The following GCNT3 variants were observed in gnomAD, a reference collection of about 807,000 sequenced individuals.
The protein encoded by GCNT3 is glucosaminyl (N-acetyl) transferase 3, mucin type, also known as beta-1,3-galactosyl-O-glycosyl-glycoprotein beta-1,6-N-acetylglucosaminyltransferase 3.
For missense variants in GCNT3, 708 were observed against 530.3 expected (o/e 1.34, Z -3.29); for synonymous variants, 269 against 195.2 (o/e 1.38, Z -3.15).
rs2082737446 is a variant in GCNT3 at position 59,619,519 on chromosome 15, C to A, written c.1281C>A (p.Tyr427Ter). 1.9e-6 allele frequency: 3 copies of A among 1,608,514 alleles called. No individual in the cohort carries two copies. Among genetic ancestry groups the A allele is most frequent in the Non-Finnish European group, 1.7e-6 (2 of 1,175,836 alleles). The change falls in exon 3 of 3, where the codon TAC (tyrosine) becomes TAA (stop). Residue 427 changes from tyrosine to a stop codon, truncating the protein, a stop_gained. Transcript: ENST00000396065. LOFTEE classifies it high-confidence loss of function. ...ATGCTCTTCAGTGCTTAGAAGAATA[C>A]CTACGTTATAAGGCCATCTATGGGA... The part of the protein sequence containing the change: ...DDNALQCLEE[Y>*]LRYKAIYGTE...
intron 1 of GCNT3, among the ~76,000 whole-genome samples, chr15:59,615,668 A>G (rs1230718329): frequency 6.6e-6 from 1 of 151,696 alleles, no homozygotes; most frequent in East Asian, 1.9e-4. Context: ...GGATCACTTG[A>G]GCCCAGGAAT....
chr15:59,621,151 C>T lies in GCNT3; in HGVS notation c.*1596C>T, dbSNP rs1301680333. On this transcript the variant is annotated 3_prime_UTR_variant, in exon 3 of 3. Coordinates refer to ENST00000396065, the MANE Select transcript of GCNT3 (RefSeq NM_004751.3). ...CCACCTGCCCCAGCCTCCCAAAGTG[C>T]TGGGATTACAGGTGTGAGCCACCAT... is the stretch of plus-strand genomic sequence containing the variant. 3.9e-5 allele frequency: 6 copies of T among 152,140 alleles called. No homozygotes were observed. The highest frequency in any genetic ancestry group is 7.4e-5 in the Non-Finnish European group (5 of 67,998). The allele number at this position is 152,140 out of a possible 1,614,324, so 9.4% of individuals were successfully genotyped here.
chr15:59,619,687 A>G lies in GCNT3; in HGVS notation c.*132A>G. ...CATCCTTTAGGATAAGAGGGCTGCT[A>G]TTAGAGTGTGGGTAAGTAGATCTTT... On this transcript the variant is annotated 3_prime_UTR_variant, in exon 3 of 3. Transcript: ENST00000396065. The G allele has an allele frequency of 1.4e-6, 1 of 693,320 alleles. No homozygotes were observed. The highest frequency in any genetic ancestry group is 1.8e-5 in the South Asian group (1 of 55,940). 42.9% of individuals were successfully genotyped at this position (693,320 alleles called of 1,614,324 possible).
chr15:59,615,624 T>C (rs1203050758), intron 1 of GCNT3, among the ~76,000 whole-genome samples: 1 of 152,014 alleles, frequency 6.6e-6, no homozygotes, highest in Non-Finnish European at 1.5e-5. Context: ...GGCTCACTCC[T>C]GTAATCCCAG....
In GCNT3 at chr15:59,619,094, C is replaced by T; in HGVS notation, c.856C>T (p.Pro286Ser). ...CCTAACCAACAAGAAGAAGGATCCT[C>T]CCCCTTATAATTTAACTATGTTTAC... ...LHLTNKKKDP[P>S]PYNLTMFTGN... Residue 286 changes from proline to serine, a missense_variant, in exon 3 of 3, where the codon CCC (proline) becomes TCC (serine). Coordinates refer to ENST00000396065, the MANE Select transcript of GCNT3 (RefSeq NM_004751.3). The T allele has an allele frequency of 6.2e-6, 10 of 1,614,022 alleles. No individual in the cohort carries two copies. Among genetic ancestry groups the T allele is most frequent in the Non-Finnish European group, 7.6e-6 (9 of 1,179,924 alleles).
chr15:59,616,123 A>AGG (rs751906110), intron 1 of GCNT3, among the ~76,000 whole-genome samples: 7 of 152,188 alleles, frequency 4.6e-5, no homozygotes, highest in Non-Finnish European at 8.8e-5. Context: ...GACATTAGTG[A>AGG]GGGAGCTCTA....
At chr15:59,613,273 C>G (rs987819094) in intron 1 of GCNT3, among the ~76,000 whole-genome samples, 4 of 151,944 alleles carry the variant, frequency 2.6e-5, no homozygotes, top group African/African-American at 9.7e-5. Flanking sequence ...TGGGCTGAGT[C>G]CCACGCTGGG....
chr15:59,619,161 A>T lies in GCNT3; in HGVS notation c.923A>T (p.His308Leu). The part of the protein sequence containing the change: ...YIVASRDFVQ[H>L]VLKNPKSQQL... ...GTGGCTTCCCGAGATTTCGTCCAACATGTTTTGAAGAACCCTAAATCCCAA... is the reference window on the plus strand; with the variant it reads ...GTGGCTTCCCGAGATTTCGTCCAACTTGTTTTGAAGAACCCTAAATCCCAA... The change falls in exon 3 of 3, where the codon CAT becomes CTT. Residue 308 changes from histidine to leucine, a missense_variant. Transcript: ENST00000396065. 6.2e-7 allele frequency: 1 copy of T among 1,614,168 alleles called. No homozygotes were observed. The highest frequency in any genetic ancestry group is 1.1e-5 in the South Asian group (1 of 91,084).
rs1890951320 is a variant in GCNT3, at chr15:59,622,310, CTCAAA to C, written c.*2756_*2760del. The C allele has an allele frequency of 1.9e-4, 2 of 10,656 alleles. No homozygotes were observed. Among genetic ancestry groups the C allele is most frequent in the African/African-American group, 3.0e-4 (2 of 6,750 alleles). 0.7% of individuals were successfully genotyped at this position (10,656 alleles called of 1,614,324 possible). A position where few individuals can be genotyped will look rare whatever the true frequency, so the allele number is the denominator to read the frequency against. On this transcript the variant is annotated 3_prime_UTR_variant, in exon 3 of 3. Transcript: ENST00000396065. ...CCTGGGCGATAGAGCCAGACTGAGT[CTCAAA>C]AAAAAAAAAAAAGTTACCTTTTTTT...
intron 1 of GCNT3, among the ~76,000 whole-genome samples, chr15:59,613,504 C>A (rs1422072311): frequency 1.3e-5 from 2 of 148,986 alleles, no homozygotes; most frequent in African/African-American, 2.5e-5. Flanking sequence ...AGTTCAAGAC[C>A]AGCCAGGGGA....
chr15:59,615,721 T>TCA (rs1297441727), intron 1 of GCNT3, among the ~76,000 whole-genome samples: 1 of 149,094 alleles, frequency 6.7e-6, no homozygotes, highest in African/African-American at 2.5e-5. Context: ...CATCTCTACT[T>TCA]TAAAAAAAAA....
rs200730703 is a variant in GCNT3, at chr15:59,618,523, A to T, written c.285A>T (p.Arg95=). The change falls in exon 3 of 3, where the codon CGA becomes CGT. Residue 95 remains arginine, a synonymous_variant. Coordinates refer to ENST00000396065, the MANE Select transcript of GCNT3 (RefSeq NM_004751.3). ...ATAACCTGGAGGTCAAGAAGAAGCGAGAGCCTTTCACAGACACCCACTACC... is the reference window on the plus strand; with the variant it reads ...ATAACCTGGAGGTCAAGAAGAAGCGTGAGCCTTTCACAGACACCCACTACC... The part of the protein sequence containing the change: ...ILNNLEVKKK[R]EPFTDTHYLS... 100 of 1,614,190 alleles carry T rather than the reference A, an allele frequency of 6.2e-5. No individual in the cohort carries two copies. The highest frequency in any genetic ancestry group is 8.1e-5 in the Non-Finnish European group (95 of 1,180,040).
At position 59,619,143 on chromosome 15, in the gene GCNT3, C is replaced by A. The variant is rs781671087; in HGVS notation, c.905C>A (p.Ser302Tyr). 6.2e-7 allele frequency: 1 copy of A among 1,613,974 alleles called. No homozygotes were observed. The highest frequency in any genetic ancestry group is 8.5e-7 in the Non-Finnish European group (1 of 1,180,014). The change falls in exon 3 of 3, where the codon TCC (serine) becomes TAC (tyrosine). Residue 302 changes from serine (S) to tyrosine (Y), a missense_variant. By Grantham distance (144) the Ser-to-Tyr change is moderately radical. Coordinates refer to ENST00000396065, the MANE Select transcript of GCNT3 (RefSeq NM_004751.3). ...MFTGNAYIVA[S>Y]RDFVQHVLKN... is the part of the protein sequence containing the mutation. ...ACAGGGAATGCGTACATTGTGGCTT[C>A]CCGAGATTTCGTCCAACATGTTTTG...
intron 1 of GCNT3, among the ~76,000 whole-genome samples, chr15:59,614,840 G>T (rs2082712368): frequency 6.6e-6 from 1 of 152,216 alleles, no homozygotes; most frequent in African/African-American, 2.4e-5. Flanking sequence ...AGATGGAGTT[G>T]CTCTGGTTCA....
chr15:59,619,612 GA>G lies in GCNT3; in HGVS notation c.*59del. 8.8e-7 allele frequency: 1 copy of G among 1,136,178 alleles called. No homozygotes were observed. The highest frequency in any genetic ancestry group is 1.3e-6 in the Non-Finnish European group (1 of 773,188). The allele number at this position is 1,136,178 out of a possible 1,614,324, so 70.4% of individuals were successfully genotyped here. On this transcript the variant is annotated 3_prime_UTR_variant, in exon 3 of 3. Coordinates refer to ENST00000396065, the MANE Select transcript of GCNT3 (RefSeq NM_004751.3). ...GCAAGAGCATGTACAAACATGCTCAGAACTTGCTGGGACAGTGTGGGTGGGA... is the reference window on the plus strand; with the variant it reads ...GCAAGAGCATGTACAAACATGCTCAGACTTGCTGGGACAGTGTGGGTGGGA...
rs1055483480 is a variant in GCNT3 at position 59,618,734 on chromosome 15, G to A, written c.496G>A (p.Glu166Lys). 2 of 1,614,078 alleles carry A rather than the reference G, an allele frequency of 1.2e-6. No individual in the cohort carries two copies. Among genetic ancestry groups the A allele is most frequent in the Admixed American group, 1.7e-5 (1 of 60,006 alleles). Reference sequence around the variant, plus strand: ...GAACATATACTGTGTCCATGTGGATGAGAAGTCCCCAGAAACTTTCAAAGA... The same window carrying A: ...GAACATATACTGTGTCCATGTGGATAAGAAGTCCCCAGAAACTTTCAAAGA... ...PQNIYCVHVD[E>K]KSPETFKEAV... is the part of the protein sequence containing the mutation. Residue 166 changes from glutamate (E) to lysine (K), a missense_variant, in exon 3 of 3, where the codon GAG (glutamate) becomes AAG (lysine). Coordinates refer to ENST00000396065, the MANE Select transcript of GCNT3 (RefSeq NM_004751.3).
Position 59,618,894 on chromosome 15 carries a change from C to T in GCNT3, c.656C>T (p.Pro219Leu), listed in dbSNP as rs771411777. 1.9e-5 allele frequency: 31 copies of T among 1,614,136 alleles called. No homozygotes were observed. The highest frequency in any genetic ancestry group is 4.4e-5 in the South Asian group (4 of 91,072). The change falls in exon 3 of 3, where the codon CCG becomes CTG. Residue 219 changes from proline to leucine, a missense_variant. By Grantham distance (98) the Pro-to-Leu change is moderately conservative (BLOSUM62 -3). Transcript: ENST00000396065. ...GAAGACTTGCTCCAGAGCTCAGTGC[C>T]GTGGAAATACTTCCTGAATACATGT... is the stretch of plus-strand genomic sequence containing the variant. ...CMEDLLQSSV[P>L]WKYFLNTCGT...
chr15:59,619,426 G>A lies in GCNT3; in HGVS notation c.1188G>A (p.Gly396=). ...HQRAICVYGA[G]DLNWMLQNHH... ...GGGCTATCTGCGTTTATGGGGCTGGGGACTTGAATTGGATGCTTCAAAACC... is the reference window on the plus strand; with the variant it reads ...GGGCTATCTGCGTTTATGGGGCTGGAGACTTGAATTGGATGCTTCAAAACC... The change falls in exon 3 of 3, where the codon GGG becomes GGA. Residue 396 remains glycine (G), a synonymous_variant. Coordinates refer to ENST00000396065, the MANE Select transcript of GCNT3 (RefSeq NM_004751.3). 6.2e-7 allele frequency: 1 copy of A among 1,614,066 alleles called. No individual in the cohort carries two copies. Among genetic ancestry groups the A allele is most frequent in the Non-Finnish European group, 8.5e-7 (1 of 1,179,984 alleles).
Position 59,618,325 on chromosome 15 carries a change from T to C in GCNT3, c.87T>C (p.Leu29=). The C allele has an allele frequency of 6.2e-7, 1 of 1,613,688 alleles. No individual in the cohort carries two copies. The highest frequency in any genetic ancestry group is 1.3e-5 in the African/African-American group (1 of 74,930). The part of the protein sequence containing the change: ...YMLLATVALK[L]SFRLKCDSDH... ...TGCTGGCCACTGTGGCTCTGAAACT[T>C]TCTTTCAGGTTGAAGTGTGACTCTG... Residue 29 remains leucine, a synonymous_variant, in exon 3 of 3, where the codon CTT becomes CTC. Transcript: ENST00000396065.
Sources: allele counts gnomAD v4.1 joint callset (sites outside exome capture counted in the v4.1 genomes callset), GRCh38; gene constraint gnomAD v4.1.1; transcripts MANE v1.5; gene names NCBI Gene and HGNC (gene_info 2026-07-23, HGNC 2026-07-21).